MED13L: variants seen among roughly 807,000 people sequenced by gnomAD.
MED13L encodes the protein mediator complex subunit 13L, also known as mediator of RNA polymerase II transcription subunit 13-like.
In MED13L, 7 loss-of-function variants were observed where a neutral mutation model predicts 220.9. The ratio of observed to expected loss-of-function variants is 0.03; its 90% CI spans 0.02 to 0.06. The LOEUF (loss-of-function observed/expected upper bound fraction) is 0.06. Ranked by LOEUF, MED13L falls within the 10% of genes least tolerant of loss-of-function variation. MED13L has a pLI of 1.00. For synonymous variants in MED13L, 1,011 were observed against 1,015.2 expected (o/e 1.00, Z 0.08); for missense variants, 1,965 against 2,760.5 (o/e 0.71, Z 6.46).
intron 4 of MED13L, among the ~76,000 whole-genome samples, chr12:116,075,802 T>C (rs1278821616): frequency 6.6e-6 from 1 of 152,086 alleles, no homozygotes; most frequent in Admixed American, 6.6e-5. Flanking sequence ...TGGCACCAGA[T>C]AGTACCATAA....
intron 2 of MED13L, among the ~76,000 whole-genome samples, chr12:116,132,669 C>T (rs1250341109): frequency 1.3e-5 from 2 of 151,950 alleles, no homozygotes; most frequent in African/African-American, 2.4e-5. Context: ...ATCTGTAATC[C>T]CAACACTTTG....
At chr12:115,965,699 G>A (rs2137200814) in intron 29 of MED13L, among the ~76,000 whole-genome samples, 3 of 152,314 alleles carry the variant, frequency 2.0e-5, no homozygotes, top group Middle Eastern at 3.4e-3. Context: ...AGAATGTGAA[G>A]AGTCCCTGGC....
chr12:116,067,182 A>G (rs1870010206), intron 4 of MED13L, among the ~76,000 whole-genome samples: 1 of 152,202 alleles, frequency 6.6e-6, no homozygotes, highest in Admixed American at 6.5e-5. Flanking sequence ...TATTTTTATT[A>G]TACACTCCTA....
intron 2 of MED13L, among the ~76,000 whole-genome samples, chr12:116,196,380 C>CAA (rs879671602): frequency 7.3e-6 from 1 of 136,704 alleles, no homozygotes. Context: ...GTGCAATTAA[C>CAA]AAAAAAAAAA....
At chr12:116,010,842 G>T (rs1443841886) in intron 9 of MED13L, among the ~76,000 whole-genome samples, 3 of 151,868 alleles carry the variant, frequency 2.0e-5, no homozygotes, top group African/African-American at 7.3e-5. Flanking sequence ...AGGGTTCCAG[G>T]TTTGCAGGGA....
intron 1 of MED13L, among the ~76,000 whole-genome samples, chr12:116,239,369 T>A (rs1870400473): frequency 6.6e-6 from 1 of 152,176 alleles, no homozygotes; most frequent in Non-Finnish European, 1.5e-5. Flanking sequence ...AGTTCAGAAG[T>A]AATACACCAT....
At position 116,092,776 on chromosome 12, in the gene MED13L, G is replaced by A. The variant is rs142869915; in HGVS notation, c.479+3893C>T. Among the ~76,000 whole-genome samples, 720 of 152,214 alleles carry A rather than the reference G, an allele frequency of 4.7e-3. 3 individuals carry two copies. The highest frequency in any genetic ancestry group is 7.1e-3 in the Non-Finnish European group (482 of 68,002). On this transcript the variant is annotated intron_variant, in intron 4 of 30. Coordinates refer to ENST00000281928, the MANE Select transcript of MED13L (RefSeq NM_015335.5). Reference sequence around the variant, plus strand: ...GTGTGTATGGGTATATGTGTGGTGGGGGGGGTGTGTGCACATGTGCTATCA... The same window carrying A: ...GTGTGTATGGGTATATGTGTGGTGGAGGGGGTGTGTGCACATGTGCTATCA...
chr12:116,117,182 C>T (rs1025042393), intron 2 of MED13L, among the ~76,000 whole-genome samples: 1 of 151,782 alleles, frequency 6.6e-6, no homozygotes, highest in African/African-American at 2.4e-5. Context: ...AAAAAGAAGC[C>T]ATACTCAGAC....
intron 2 of MED13L, among the ~76,000 whole-genome samples, chr12:116,187,648 G>A (rs549351311): frequency 6.6e-6 from 1 of 152,068 alleles, no homozygotes; most frequent in East Asian, 1.9e-4. Context: ...CTATAATATA[G>A]AAGATATAAC....
intron 2 of MED13L, among the ~76,000 whole-genome samples, chr12:116,165,904 T>C (rs1019901116): frequency 2.0e-5 from 3 of 152,204 alleles, no homozygotes; most frequent in African/African-American, 7.2e-5. Context: ...CTCTCAGGTA[T>C]TCTCTCCACT....
At chr12:116,092,262 T>A (rs1038876927) in intron 4 of MED13L, among the ~76,000 whole-genome samples, 1 of 152,226 alleles carries the variant, frequency 6.6e-6, no homozygotes, top group Non-Finnish European at 1.5e-5. Flanking sequence ...CCGTTCACAC[T>A]TGAAGTGTCT....
At chr12:116,238,956 G>C (rs949065923) in intron 1 of MED13L, among the ~76,000 whole-genome samples, 1 of 152,074 alleles carries the variant, frequency 6.6e-6, no homozygotes, top group African/African-American at 2.4e-5. Flanking sequence ...TTAGCCGGGC[G>C]TGGTGGCGTG....
intron 4 of MED13L, among the ~76,000 whole-genome samples, chr12:116,056,728 A>G (rs974136470): frequency 6.6e-6 from 1 of 152,140 alleles, no homozygotes; most frequent in African/African-American, 2.4e-5. Flanking sequence ...ATTCTCCAAG[A>G]TTCTTTAAGA....
intron 2 of MED13L, among the ~76,000 whole-genome samples, chr12:116,214,126 T>C (rs1161797777): frequency 1.3e-5 from 2 of 152,208 alleles, no homozygotes; most frequent in African/African-American, 4.8e-5. Flanking sequence ...ATACACTTGC[T>C]TTGCTTTCAC....
rs550036943 is a variant in MED13L at position 116,079,939 on chromosome 12, G to A, written c.479+16730C>T. 1.4e-4 allele frequency among the ~76,000 whole-genome samples: 22 copies of A among 152,022 alleles called. No individual in the cohort carries two copies. The South Asian group carries it at 3.7e-3, about 26-fold the overall frequency. ...AAGCTATACCAAGCTTGTCCAACCC[G>A]TAAACCATGGGCCGCATGTGGCCCA... On this transcript the variant is annotated intron_variant, in intron 4 of 30. Transcript: ENST00000281928.
chr12:116,109,060 CTTTTTTTTTTTTT>C (rs751600660), intron 3 of MED13L, among the ~76,000 whole-genome samples: 2 of 97,082 alleles, frequency 2.1e-5, no homozygotes, highest in Admixed American at 1.3e-4. Flanking sequence ...AATTAATTTC[CTTTTTTTTTTTTT>C]TTTTTTTTTT....
intron 4 of MED13L, among the ~76,000 whole-genome samples, chr12:116,063,051 A>G (rs1475863588): frequency 6.6e-6 from 1 of 152,212 alleles, no homozygotes; most frequent in Non-Finnish European, 1.5e-5. Context: ...ACGCAGCCCA[A>G]AACAATCTTA....
chr12:116,236,414 A>G (rs1870086448), intron 2 of MED13L, among the ~76,000 whole-genome samples: 1 of 152,172 alleles, frequency 6.6e-6, no homozygotes, highest in Non-Finnish European at 1.5e-5. Context: ...GCAAGGTGTC[A>G]AGCAAAAGTT....
intron 2 of MED13L, among the ~76,000 whole-genome samples, chr12:116,130,143 TTAAC>T (rs1875949767): frequency 6.6e-6 from 1 of 152,172 alleles, no homozygotes; most frequent in Admixed American, 6.5e-5. Flanking sequence ...ACATTTTTGA[TTAAC>T]TATGAAAATC....
Sources: gnomAD v4.1 joint callset for allele counts (sites outside exome capture counted in the v4.1 genomes callset) on GRCh38, gnomAD v4.1.1 for gene constraint, MANE v1.5 for transcripts, NCBI Gene and HGNC (gene_info 2026-07-23, HGNC 2026-07-21) for gene names.